SPATS1: variants seen among roughly 807,000 people sequenced by gnomAD.
SPATS1 encodes spermatogenesis-associated serine-rich protein 1.
SPATS1 carries 23 observed loss-of-function variants against 33.6 expected under a neutral mutation model. That is an observed-to-expected ratio of 0.68 (90% CI 0.49 to 0.97). The LOEUF is 0.97. SPATS1 is among the 50% of genes least tolerant of loss of function. The pLI, the probability that SPATS1 is intolerant of heterozygous loss-of-function variation, is 0.00. For synonymous variants in SPATS1, 131 were observed against 125.6 expected, an observed-to-expected ratio of 1.04 and a Z score of -0.29; for missense variants, 327 against 361.0, an observed-to-expected ratio of 0.91 and a Z score of 0.76.
At position 44,378,844 on chromosome 6, in the gene SPATS1, G is replaced by T. The variant is rs933531695; in HGVS notation, c.*1781G>T. ...ATATGTGCCTCTAGACTAACTGGCA[G>T]AGAGCATGGTGCCGACTGCCAGCTG... On this transcript the variant is annotated 3_prime_UTR_variant, in exon 9 of 9. Transcript: ENST00000674044. The T allele has an allele frequency of 6.6e-6, 1 of 152,210 alleles. No individual in the cohort carries two copies. Among genetic ancestry groups the T allele is most frequent in the African/African-American group, 2.4e-5 (1 of 41,430 alleles). 9.4% of individuals were successfully genotyped at this position (152,210 alleles called of 1,614,324 possible).
chr6:44,360,004 C>T (rs1305696210), intron 3 of SPATS1, among the ~76,000 whole-genome samples: 1 of 152,178 alleles, frequency 6.6e-6, no homozygotes, highest in Non-Finnish European at 1.5e-5. Flanking sequence ...CTGCAAAGAA[C>T]ATTCACATGC....
rs367844162 is a variant in SPATS1, at chr6:44,356,513, T to C, written c.287+3640T>C. On this transcript the variant is annotated intron_variant, in intron 3 of 8. Coordinates refer to ENST00000674044, the MANE Select transcript of SPATS1 (RefSeq NM_001372081.1). The stretch of plus-strand genomic sequence containing the variant: ...CTGGCTCAAGGTCTCTCTCACAAGA[T>C]TGCAATCGAGGTGTTGGCCACAGCT... Among the ~76,000 whole-genome samples, 135 of 152,304 alleles carry C rather than the reference T, an allele frequency of 8.9e-4. 7 individuals are homozygous for C. In the South Asian group the frequency reaches 0.028, roughly 31 times the overall value.
At chr6:44,353,477 C>T (rs1450539369) in intron 3 of SPATS1, among the ~76,000 whole-genome samples, 1 of 152,080 alleles carries the variant, frequency 6.6e-6, no homozygotes, top group Non-Finnish European at 1.5e-5. Context: ...CCTCAAACTC[C>T]TGGGCTCAAG....
intron 7 of SPATS1, among the ~76,000 whole-genome samples, chr6:44,371,136 A>C (rs1041147949): frequency 2.9e-4 from 44 of 151,956 alleles, no homozygotes; most frequent in Non-Finnish European, 5.9e-5. Context: ...TCTACAAAAT[A>C]TTTTTTTTAA....
chr6:44,360,148 AG>A (rs1788820485), intron 3 of SPATS1, among the ~76,000 whole-genome samples: 1 of 152,192 alleles, frequency 6.6e-6, no homozygotes, highest in African/African-American at 2.4e-5. Flanking sequence ...TAAAAAAATT[AG>A]TAAAGACGGG....
At position 44,353,833 on chromosome 6, in the gene SPATS1, C is replaced by G. The variant is rs546042889; in HGVS notation, c.287+960C>G. ...CTGGTGGATCACGAGGTCAGGAGAT[C>G]AAGACCATCCTGGCTAACATGGTGA... On this transcript the variant is annotated intron_variant, in intron 3 of 8. Coordinates refer to ENST00000674044, the MANE Select transcript of SPATS1 (RefSeq NM_001372081.1). Among the ~76,000 whole-genome samples the G allele has an allele frequency of 1.5e-4, 23 of 149,600 alleles. No individual in the cohort carries two copies. In the East Asian group the frequency reaches 3.5e-3, roughly 22 times the overall value.
At chr6:44,360,425 A>G (rs370191775) in intron 3 of SPATS1, 21 bp from the exon 4 acceptor site, 19 of 1,613,952 alleles carry the variant, frequency 1.2e-5, no homozygotes, top group Admixed American at 1.7e-5. Context: ...ACGTGGAAGA[A>G]TCCTTCTGCT....
intron 6 of SPATS1, 103 bp from the exon 7 acceptor site, chr6:44,369,948 A>C: frequency 1.5e-6 from 1 of 680,118 alleles, no homozygotes; most frequent in Non-Finnish European, 2.4e-6. Flanking sequence ...AATACTTGAA[A>C]ATTAAAATCG....
intron 2 of SPATS1, among the ~76,000 whole-genome samples, chr6:44,345,368 G>A (rs1787813419): frequency 6.6e-6 from 1 of 152,114 alleles, no homozygotes; most frequent in Non-Finnish European, 1.5e-5. Flanking sequence ...CCACTTTCTA[G>A]AGTGCTGCTG....
At position 44,370,285 on chromosome 6, in the gene SPATS1, G is replaced by T. The variant is rs76282958; in HGVS notation, c.758+172G>T. 8.3e-3 allele frequency among the ~76,000 whole-genome samples: 1,266 copies of T among 152,294 alleles called. 18 individuals are homozygous for T. Among genetic ancestry groups the T allele is most frequent in the South Asian group, 0.021 (103 of 4,830 alleles). ...GGTGTTTGGATAGACATTCTGTAGA[G>T]TCTGCAATTGGGATGGTCACATATT... On this transcript the variant is annotated intron_variant, in intron 7 of 8. Transcript: ENST00000674044.
At chr6:44,370,592 G>C (rs1443899123) in intron 7 of SPATS1, among the ~76,000 whole-genome samples, 1 of 152,100 alleles carries the variant, frequency 6.6e-6, no homozygotes, top group East Asian at 1.9e-4. Flanking sequence ...ATTTACCTAA[G>C]CAGGTTTCTG....
intron 2 of SPATS1, among the ~76,000 whole-genome samples, chr6:44,351,168 T>C (rs141156333): frequency 1.5e-3 from 204 of 134,690 alleles, no homozygotes; most frequent in African/African-American, 4.9e-3. Context: ...AAAACAACAA[T>C]ATAACAACAA....
At chr6:44,368,528 T>C (rs1789386144) in intron 6 of SPATS1, 29 bp downstream of exon 6, 1 of 1,590,366 alleles carries the variant, frequency 6.3e-7, no homozygotes. Flanking sequence ...TAGCATTATA[T>C]AGTTAACTTT....
intron 5 of SPATS1, among the ~76,000 whole-genome samples, chr6:44,367,762 G>C (rs1293704735): frequency 6.6e-6 from 1 of 152,100 alleles, no homozygotes; most frequent in Non-Finnish European, 1.5e-5. Flanking sequence ...AGGTGTGTGG[G>C]TTTAAATGAT....
chr6:44,360,215 G>A (rs1788825997), intron 3 of SPATS1, among the ~76,000 whole-genome samples: 1 of 152,198 alleles, frequency 6.6e-6, no homozygotes, highest in Admixed American at 6.5e-5. Flanking sequence ...TGATCCACCT[G>A]TCTCAGCCTC....
chr6:44,356,453 G>T (rs1187040238), intron 3 of SPATS1, among the ~76,000 whole-genome samples: 1 of 152,182 alleles, frequency 6.6e-6, no homozygotes, highest in Non-Finnish European at 1.5e-5. Flanking sequence ...ATTTTCTACA[G>T]GTCAGGAAAC....
intron 2 of SPATS1, among the ~76,000 whole-genome samples, chr6:44,347,543 T>C (rs747273188): frequency 5.3e-5 from 8 of 152,246 alleles, no homozygotes; most frequent in Admixed American, 1.3e-4. Context: ...TGGTATCTTC[T>C]TGGCAATAAC....
chr6:44,350,939 C>T (rs1405246517), intron 2 of SPATS1, among the ~76,000 whole-genome samples: 1 of 151,848 alleles, frequency 6.6e-6, no homozygotes, highest in Non-Finnish European at 1.5e-5. Flanking sequence ...GCCTGGCCAA[C>T]ATGGTGAAAC....
chr6:44,372,171 T>C (rs1274788097), intron 7 of SPATS1, among the ~76,000 whole-genome samples: 1 of 148,684 alleles, frequency 6.7e-6, no homozygotes, highest in Admixed American at 6.7e-5. Context: ...GGAGAATCAC[T>C]TGAACCCGGG....
Sources: gnomAD v4.1 joint callset for allele counts (sites outside exome capture counted in the v4.1 genomes callset) on GRCh38, gnomAD v4.1.1 for gene constraint, MANE v1.5 for transcripts, NCBI Gene and HGNC (gene_info 2026-07-23, HGNC 2026-07-21) for gene names.